RECK: variants seen among roughly 807,000 people sequenced by gnomAD.
RECK encodes the protein reversion-inducing cysteine-rich protein with Kazal motifs.
In RECK, 69 loss-of-function variants were observed where a neutral mutation model predicts 115.1. The ratio of observed to expected loss-of-function variants is 0.60; its 90% CI spans 0.49 to 0.73. RECK has a LOEUF of 0.73. Ranked by LOEUF, RECK falls within the 30% of genes least tolerant of loss-of-function variation. The pLI is 0.00. For synonymous variants in RECK, 414 were observed against 419.7 expected (o/e 0.99, Z 0.17); for missense variants, 1,047 against 1,203.7 (o/e 0.87, Z 1.93).
intron 6 of RECK, among the ~76,000 whole-genome samples, chr9:36,070,727 T>C (rs1822196693): frequency 6.6e-6 from 1 of 152,342 alleles, no homozygotes; most frequent in South Asian, 2.1e-4. Context: ...CTCTTCCAAC[T>C]CTGTAGCTCT....
At chr9:36,063,336 G>A (rs1268699789) in intron 4 of RECK, among the ~76,000 whole-genome samples, 1 of 152,038 alleles carries the variant, frequency 6.6e-6, no homozygotes, top group African/African-American at 2.4e-5. Flanking sequence ...TTTTAAACAG[G>A]ATCATGAATT....
At chr9:36,045,441 C>T (rs1012894454) in intron 1 of RECK, among the ~76,000 whole-genome samples, 2 of 151,946 alleles carry the variant, frequency 1.3e-5, no homozygotes, top group Non-Finnish European at 2.9e-5. Flanking sequence ...CCAGTATCAA[C>T]TCAGATTTAG....
intron 6 of RECK, among the ~76,000 whole-genome samples, chr9:36,080,283 A>G (rs1404265392): frequency 1.3e-5 from 2 of 152,142 alleles, no homozygotes; most frequent in East Asian, 1.9e-4. Context: ...TATTTTCTGG[A>G]AAGTTTTTAT....
rs949564899 is a variant in RECK at position 36,083,446 on chromosome 9, C to G, written c.521C>G (p.Ser174Cys). The G allele has an allele frequency of 6.2e-6, 10 of 1,613,996 alleles. No individual in the cohort carries two copies. The highest frequency in any genetic ancestry group is 3.3e-5 in the Admixed American group (2 of 59,994). The stretch of plus-strand genomic sequence containing the variant: ...CAAGCCATTTTTCGAACAGACTCTT[C>G]TCCTGGTCCATCTCAGATAAAAGCA... ...YCQAIFRTDSSPGPSQIKAVE... is the reference protein window; with the variant it reads ...YCQAIFRTDSCPGPSQIKAVE... The change falls in exon 8 of 21, where the codon TCT becomes TGT. Residue 174 changes from serine (S) to cysteine (C), a missense_variant. By Grantham distance (112) the Ser-to-Cys change is moderately radical (BLOSUM62 -1). Transcript: ENST00000377966.
At chr9:36,079,810 T>C (rs1006551305) in intron 6 of RECK, among the ~76,000 whole-genome samples, 3 of 152,220 alleles carry the variant, frequency 2.0e-5, no homozygotes, top group Non-Finnish European at 4.4e-5. Flanking sequence ...GCCCTAAATA[T>C]CCAAATGGCT....
intron 7 of RECK, 95 bp downstream of exon 7, chr9:36,080,733 C>T: frequency 9.0e-7 from 1 of 1,108,450 alleles, no homozygotes. Flanking sequence ...GGCTCTTTCC[C>T]ATGGTGTATT....
chr9:36,084,166 C>A (rs1373275271), intron 8 of RECK, among the ~76,000 whole-genome samples: 1 of 151,586 alleles, frequency 6.6e-6, no homozygotes, highest in Admixed American at 6.6e-5. Context: ...GAAGCCAAGA[C>A]AGGCAGATCG....
chr9:36,045,966 A>G (rs938656337), intron 1 of RECK, among the ~76,000 whole-genome samples: 1 of 152,026 alleles, frequency 6.6e-6, no homozygotes, highest in African/African-American at 2.4e-5. Flanking sequence ...TCAATTTTTA[A>G]TTTTTATTTT....
At chr9:36,064,802 C>G (rs190555674) in intron 5 of RECK, among the ~76,000 whole-genome samples, 2 of 152,200 alleles carry the variant, frequency 1.3e-5, no homozygotes, top group East Asian at 3.9e-4. Context: ...ATCAGCTGGC[C>G]TGTTCTAAAT....
At chr9:36,091,609 C>T (rs1436270509) in intron 10 of RECK, among the ~76,000 whole-genome samples, 1 of 152,160 alleles carries the variant, frequency 6.6e-6, no homozygotes, top group Non-Finnish European at 1.5e-5. Context: ...TCTACTGTAC[C>T]ACCAGTGGAA....
chr9:36,101,950 G>GCT (rs1271653183), intron 11 of RECK, 144 bp from the exon 12 acceptor site: 2 of 729,290 alleles, frequency 2.7e-6, no homozygotes, highest in African/African-American at 3.6e-5. Context: ...TTCAACCTGA[G>GCT]CTCTCCTGTG....
At chr9:36,038,967 A>G (rs146685622) in intron 1 of RECK, among the ~76,000 whole-genome samples, 2 of 152,322 alleles carry the variant, frequency 1.3e-5, no homozygotes, top group East Asian at 3.9e-4. Flanking sequence ...TGAATTGTAC[A>G]TATTAAAAGG....
chr9:36,097,079 T>A (rs983799697), intron 10 of RECK, among the ~76,000 whole-genome samples: 5 of 151,940 alleles, frequency 3.3e-5, no homozygotes, highest in African/African-American at 9.7e-5. Context: ...ATCTCAACAC[T>A]TTGGGAGGCC....
chr9:36,120,855 A>T, intron 19 of RECK, 119 bp downstream of exon 19: 2 of 735,428 alleles, frequency 2.7e-6, no homozygotes, highest in Non-Finnish European at 4.5e-6. Flanking sequence ...CAGAAAAGCA[A>T]CTTTCCCAGG....
chr9:36,047,682 A>G (rs1389174545), intron 1 of RECK, among the ~76,000 whole-genome samples: 1 of 152,100 alleles, frequency 6.6e-6, no homozygotes, highest in African/African-American at 2.4e-5. Flanking sequence ...CCTTACTACA[A>G]TCAAGGCACC....
intron 1 of RECK, among the ~76,000 whole-genome samples, chr9:36,039,804 T>C (rs1004708988): frequency 6.6e-6 from 1 of 152,220 alleles, no homozygotes; most frequent in South Asian, 2.1e-4. Flanking sequence ...AACGCCTATC[T>C]GGAGCAAAGT....
chr9:36,084,372 C>T (rs1383108122), intron 8 of RECK, among the ~76,000 whole-genome samples: 1 of 151,520 alleles, frequency 6.6e-6, no homozygotes, highest in African/African-American at 2.4e-5. Flanking sequence ...GTCTGGATGA[C>T]AGAGAGAGAG....
rs1482322522 is a variant in RECK at position 36,057,655 on chromosome 9, C to CA, written c.160-1165dup. ...GCAACATGGTGAAACCCTGTCTCTA[C>CA]AAAAAAATACAGAAATTAGCCTGGC... On this transcript the variant is annotated intron_variant, in intron 2 of 20. Transcript: ENST00000377966. Among the ~76,000 whole-genome samples, 5 of 152,034 alleles carry CA rather than the reference C, an allele frequency of 3.3e-5. No individual in the cohort carries two copies. The South Asian group carries it at 6.2e-4, about 19-fold the overall frequency.
chr9:36,065,601 A>T lies in RECK; in HGVS notation c.382A>T (p.Lys128Ter). The change falls in exon 6 of 21, where the codon AAA (lysine) becomes TAA (stop). Residue 128 changes from lysine (K) to a stop codon, truncating the protein, a stop_gained. Coordinates refer to ENST00000377966, the MANE Select transcript of RECK (RefSeq NM_021111.3). LOFTEE classifies it high-confidence loss of function. ...GGCATCTTCAAAGAATGATATTTCC[A>T]AAGTTTGCAGAAAAGAATATGAGGT... is the stretch of plus-strand genomic sequence containing the variant. ...KQASSKNDIS[K>*]VCRKEYENAL... 1.9e-6 allele frequency: 3 copies of T among 1,586,842 alleles called. No individual in the cohort carries two copies. The highest frequency in any genetic ancestry group is 1.4e-5 in the African/African-American group (1 of 74,030).
Sources: allele counts gnomAD v4.1 joint callset (sites outside exome capture counted in the v4.1 genomes callset), GRCh38; gene constraint gnomAD v4.1.1; transcripts MANE v1.5; gene names NCBI Gene and HGNC (gene_info 2026-07-23, HGNC 2026-07-21).